Variants in OXR1 observed in about 807,000 individuals in gnomAD.
OXR1 encodes the protein oxidation resistance 1.
Under a neutral mutation model 104.6 loss-of-function variants are expected in OXR1, and 41 were observed. That is an observed-to-expected ratio of 0.39 (90% confidence interval 0.31 to 0.51). The LOEUF is 0.51. Among genes scored for constraint, OXR1 ranks in the 20% least tolerant of loss-of-function variants. The pLI is 0.77. For missense variants in OXR1, 955 were observed against 1,031.9 expected, an observed-to-expected ratio of 0.93 and a Z score of 1.02; for synonymous variants, 348 against 348.4, an observed-to-expected ratio of 1.00 and a Z score of 0.01.
At chr8:106,636,937 T>C (rs1823191884) in intron 3 of OXR1, among the ~76,000 whole-genome samples, 1 of 152,216 alleles carries the variant, frequency 6.6e-6, no homozygotes, top group African/African-American at 2.4e-5. Context: ...CTCTTCTTTA[T>C]TCTTCTAGTC....
chr8:106,317,731 A>G (rs887170311), intron 1 of OXR1, among the ~76,000 whole-genome samples: 2 of 151,792 alleles, frequency 1.3e-5, no homozygotes, highest in Admixed American at 1.3e-4. Flanking sequence ...ATGCTTCAGA[A>G]TATCTTTTTG....
rs372112519 is a variant in OXR1, at chr8:106,702,923, G to A, written c.693G>A (p.Val231=). The part of the protein sequence containing the change: ...ITSGKGTVSG[V]LLVTPNNIMF... The stretch of plus-strand genomic sequence containing the variant: ...CACCTTAGGGCACAGTCAGTGGTGT[G>A]CTGCTAGTTACACCAAATAATATAA... Residue 231 remains valine, a synonymous_variant, in exon 8 of 17, where the codon GTG becomes GTA. Coordinates refer to ENST00000517566, the MANE Select transcript of OXR1 (RefSeq NM_001198533.2). 7.6e-4 allele frequency: 1,229 copies of A among 1,613,080 alleles called. 21 individuals carry two copies. In the South Asian group the frequency reaches 0.013, roughly 17 times the overall value.
intron 3 of OXR1, among the ~76,000 whole-genome samples, chr8:106,537,083 C>T (rs1015729240): frequency 6.6e-6 from 1 of 152,080 alleles, no homozygotes; most frequent in Non-Finnish European, 1.5e-5. Flanking sequence ...TGCTGGTTTG[C>T]AGATGGCCAT....
At chr8:106,523,098 A>G (rs1813379921) in intron 3 of OXR1, among the ~76,000 whole-genome samples, 1 of 152,228 alleles carries the variant, frequency 6.6e-6, no homozygotes, top group Admixed American at 6.5e-5. Flanking sequence ...GCTGTCAACC[A>G]GGGACCACTC....
chr8:106,563,304 A>G (rs1311240740), intron 3 of OXR1, among the ~76,000 whole-genome samples: 1 of 151,098 alleles, frequency 6.6e-6, no homozygotes, highest in Non-Finnish European at 1.5e-5. Context: ...AGCAAAAAAA[A>G]AAAAAAAAAA....
intron 12 of OXR1, 89 bp from the exon 13 acceptor site, chr8:106,739,369 T>C: frequency 8.4e-7 from 1 of 1,185,322 alleles, no homozygotes; most frequent in Admixed American, 1.9e-5. Flanking sequence ...TTTTCTACGA[T>C]ATAAAGCTTT....
At chr8:106,545,959 G>T (rs1815323741) in intron 3 of OXR1, among the ~76,000 whole-genome samples, 1 of 148,896 alleles carries the variant, frequency 6.7e-6, no homozygotes, top group African/African-American at 2.5e-5. Context: ...TCGCACCACT[G>T]TACTCCAGCC....
Position 106,703,034 on chromosome 8 carries a change from G to A in OXR1, c.804G>A (p.Met268Ile). ...YGIMCPMEEV[M>I]SAAMYKEILD... ...TCATGTGTCCAATGGAAGAGGTGATGTCAGCTGCAATGTACAAAGAAATTT... is the reference window on the plus strand; with the variant it reads ...TCATGTGTCCAATGGAAGAGGTGATATCAGCTGCAATGTACAAAGAAATTT... Residue 268 changes from methionine (M) to isoleucine (I), a missense_variant, in exon 8 of 17, where the codon ATG becomes ATA. Met to Ile is a conservative substitution (Grantham distance 10). Transcript: ENST00000517566. 2 of 1,613,808 alleles carry A rather than the reference G, an allele frequency of 1.2e-6. No homozygotes were observed. The highest frequency in any genetic ancestry group is 1.1e-5 in the South Asian group (1 of 91,078).
chr8:106,465,446 A>G lies in OXR1; in HGVS notation c.24-53497A>G, dbSNP rs117229476. Among the ~76,000 whole-genome samples, 1,211 of 152,072 alleles carry G rather than the reference A, an allele frequency of 8.0e-3. 51 individuals are homozygous for G. Among genetic ancestry groups the G allele is most frequent in the Admixed American group, 0.06 (908 of 15,258 alleles). On this transcript the variant is annotated intron_variant, in intron 2 of 16. Transcript: ENST00000517566. ...ATTGATATGGGAAGCCACTAGAGGT[A>G]CTGAACAGAAGAGTGATGTGATCAG...
rs556337536 is a variant in OXR1 at position 106,614,574 on chromosome 8, G to A, written c.221-64636G>A. On this transcript the variant is annotated intron_variant, in intron 3 of 16. Transcript: ENST00000517566. The stretch of plus-strand genomic sequence containing the variant: ...CAGAAATGATGATTGTATACCTAGT[G>A]GACAGCTCTAAGCACAATTATAAGA... Among the ~76,000 whole-genome samples, 13 of 152,226 alleles carry A rather than the reference G, an allele frequency of 8.5e-5. No homozygotes were observed. In the South Asian group the frequency reaches 2.3e-3, roughly 27 times the overall value.
At chr8:106,385,744 A>G (rs1817345889) in intron 2 of OXR1, among the ~76,000 whole-genome samples, 1 of 152,114 alleles carries the variant, frequency 6.6e-6, no homozygotes, top group African/African-American at 2.4e-5. Flanking sequence ...GCCTTTTGTT[A>G]TCCAATTTGT....
At chr8:106,289,966 TTTGCTTCCCCTTCCACCATGA>T (rs1255324386) in intron 1 of OXR1, among the ~76,000 whole-genome samples, 1 of 152,172 alleles carries the variant, frequency 6.6e-6, no homozygotes, top group Non-Finnish European at 1.5e-5. Flanking sequence ...GAAGGACATG[TTTGCTTCCCCTTCCACCATGA>T]TTGTAAGTTT....
chr8:106,503,857 A>C (rs1811978071), intron 2 of OXR1, among the ~76,000 whole-genome samples: 1 of 152,196 alleles, frequency 6.6e-6, no homozygotes, highest in Admixed American at 6.5e-5. Context: ...TAATGCGAGC[A>C]GAAAGAACAT....
intron 13 of OXR1, 36 bp from the exon 14 acceptor site, chr8:106,740,307 G>A (rs1260723506): frequency 1.3e-6 from 2 of 1,565,712 alleles, no homozygotes; most frequent in Non-Finnish European, 1.7e-6. Context: ...TGAACAACAA[G>A]CTATCAAGTA....
chr8:106,504,623 A>G (rs1158540021), intron 2 of OXR1, among the ~76,000 whole-genome samples: 1 of 152,250 alleles, frequency 6.6e-6, no homozygotes, highest in African/African-American at 2.4e-5. Flanking sequence ...TATAACATTA[A>G]TAGTTGAACT....
intron 11 of OXR1, among the ~76,000 whole-genome samples, chr8:106,727,475 G>A (rs991347497): frequency 2.6e-5 from 4 of 152,114 alleles, no homozygotes; most frequent in African/African-American, 7.2e-5. Flanking sequence ...TTGGAATGCA[G>A]TGGCGGGATT....
chr8:106,542,723 C>T (rs1026860957), intron 3 of OXR1, among the ~76,000 whole-genome samples: 4 of 151,642 alleles, frequency 2.6e-5, no homozygotes, highest in South Asian at 2.1e-4. Flanking sequence ...GCAATAACCA[C>T]GAAGTAGTAT....
At chr8:106,736,045 C>G (rs1346272068) in intron 11 of OXR1, among the ~76,000 whole-genome samples, 1 of 152,148 alleles carries the variant, frequency 6.6e-6, no homozygotes, top group African/African-American at 2.4e-5. Context: ...GCACTATACT[C>G]AGTCCTTAAT....
At chr8:106,434,755 TGGA>T (rs879487792) in intron 2 of OXR1, among the ~76,000 whole-genome samples, 103 of 152,330 alleles carry the variant, frequency 6.8e-4, no homozygotes, top group African/African-American at 1.9e-3. Flanking sequence ...TAAAGTTGAA[TGGA>T]TTCAGAAAAT....
Sources: gnomAD v4.1 joint callset for allele counts (sites outside exome capture counted in the v4.1 genomes callset) on GRCh38, gnomAD v4.1.1 for gene constraint, MANE v1.5 for transcripts, NCBI Gene and HGNC (gene_info 2026-07-23, HGNC 2026-07-21) for gene names.